Variants in EXOC1 observed in about 807,000 individuals in gnomAD.
EXOC1 encodes the protein SEC3-like 1.
In EXOC1, 67 loss-of-function variants were observed where a neutral mutation model predicts 107.7. The ratio of observed to expected loss-of-function variants is 0.62; its 90% CI spans 0.51 to 0.76. EXOC1 has a LOEUF of 0.76. EXOC1 is among the 30% of genes least tolerant of loss of function. The pLI, the probability that EXOC1 is intolerant of heterozygous loss-of-function variation, is 0.00. For synonymous variants in EXOC1, 348 were observed against 353.5 expected, an observed-to-expected ratio of 0.98 and a Z score of 0.17; for missense variants, 833 against 1,055.7, an observed-to-expected ratio of 0.79 and a Z score of 2.92.
At chr4:55,880,993 G>C (rs1456249130) in intron 9 of EXOC1, among the ~76,000 whole-genome samples, 1 of 152,172 alleles carries the variant, frequency 6.6e-6, no homozygotes, top group Non-Finnish European at 1.5e-5. Context: ...TGTTTCTTTA[G>C]TAAGAAATCA....
chr4:55,875,963 A>G (rs936436118), intron 8 of EXOC1: 17 of 946,952 alleles, frequency 1.8e-5, no homozygotes, highest in Middle Eastern at 5.4e-4. Flanking sequence ...ACCTAAAACT[A>G]TAATATCTAT....
intron 9 of EXOC1, among the ~76,000 whole-genome samples, chr4:55,882,323 A>G (rs1349018923): frequency 6.6e-6 from 1 of 151,978 alleles, no homozygotes; most frequent in African/African-American, 2.4e-5. Context: ...CATTTTCTGT[A>G]GATACAGGGT....
rs1722347936 is a variant in EXOC1, at chr4:55,870,693, A to G, written c.619A>G (p.Ile207Val). ...QVLDGANIQS[I>V]MASEKQVNIL... ...AACTTTGTAGGCTAACATCCAGTCA[A>G]TCATGGCATCTGAAAAACAAGTCAA... Residue 207 changes from isoleucine (I) to valine (V), a missense_variant, in exon 6 of 19, where the codon ATC becomes GTC. Physicochemically the swap from Ile to Val is conservative, Grantham distance 29. Around this residue, in one of 2 missense-constraint regions of EXOC1, gnomAD observed 617 missense variants for 701.3 expected, o/e 0.88. Transcript: ENST00000381295. 6.8e-6 allele frequency: 11 copies of G among 1,613,634 alleles called. No individual in the cohort carries two copies. The South Asian group carries it at 9.9e-5, about 14-fold the overall frequency.
At chr4:55,894,614 C>CTTTTTTTTTTTTTTTTTTTT (rs772700227) in intron 15 of EXOC1, among the ~76,000 whole-genome samples, 2 of 76,116 alleles carry the variant, frequency 2.6e-5, no homozygotes, top group Non-Finnish European at 4.6e-5. Context: ...CTATCTGTTA[C>CTTTTTTTTTTTTTTTTTTTT]TTTTTTTTTT....
At chr4:55,869,392 A>G (rs1317112611) in intron 5 of EXOC1, among the ~76,000 whole-genome samples, 2 of 152,168 alleles carry the variant, frequency 1.3e-5, no homozygotes, top group African/African-American at 4.8e-5. Flanking sequence ...AAACAAAAAA[A>G]TCAAACACAC....
In EXOC1 at chr4:55,871,889, A is replaced by AT; in HGVS notation, c.1007dup (p.Ser337GlnfsTer2). On this transcript the variant is annotated frameshift_variant, in exon 8 of 19. Coordinates refer to ENST00000381295, the MANE Select transcript of EXOC1 (RefSeq NM_001024924.2). LOFTEE classifies it high-confidence loss of function. ...TGGCAGTCAAACAGCAACAGCAGCG[A>AT]TTCAGTGATTTGCGAGAGCTTTTTG... 6.2e-7 allele frequency: 1 copy of AT among 1,613,856 alleles called. No homozygotes were observed.
intron 10 of EXOC1, among the ~76,000 whole-genome samples, chr4:55,887,012 T>C (rs1011392234): frequency 6.6e-6 from 1 of 152,204 alleles, no homozygotes; most frequent in African/African-American, 2.4e-5. Flanking sequence ...TAGATTTATT[T>C]TGATATTTTC....
chr4:55,883,716 T>G (rs1723618596), intron 9 of EXOC1, 107 bp from the exon 10 acceptor site: 2 of 627,000 alleles, frequency 3.2e-6, no homozygotes, highest in Non-Finnish European at 5.2e-6. Flanking sequence ...ACATCAAAGT[T>G]TTGGACTATG....
In EXOC1 at chr4:55,853,691, C is replaced by T. The variant is rs1034997750; in HGVS notation, c.-273C>T. The stretch of plus-strand genomic sequence containing the variant: ...GATATAGGAAGTGTTGGGGGAACGG[C>T]CGCTTCCCGTTCAACGCTTTATTGA... On this transcript the variant is annotated 5_prime_UTR_variant, in exon 1 of 19. Transcript: ENST00000381295. 1 of 152,268 alleles carries T rather than the reference C, an allele frequency of 6.6e-6. No individual in the cohort carries two copies. The highest frequency in any genetic ancestry group is 2.1e-4 in the South Asian group (1 of 4,830). 9.4% of individuals were successfully genotyped at this position (152,268 alleles called of 1,614,324 possible). A position where few individuals can be genotyped will look rare whatever the true frequency, so the allele number is the denominator to read the frequency against.
At chr4:55,868,596 C>T (rs981402444) in intron 5 of EXOC1, 73 bp downstream of exon 5, 4 of 1,374,626 alleles carry the variant, frequency 2.9e-6, no homozygotes, top group Non-Finnish European at 3.0e-6. Context: ...TCATATTATA[C>T]TACCTCAGCA....
intron 3 of EXOC1, among the ~76,000 whole-genome samples, chr4:55,863,059 C>G (rs929452430): frequency 6.6e-6 from 1 of 152,004 alleles, no homozygotes; most frequent in Admixed American, 6.5e-5. Context: ...TGCCACTACA[C>G]CCGGCTAATT....
chr4:55,893,139 G>A (rs1347653755), intron 14 of EXOC1, among the ~76,000 whole-genome samples: 1 of 152,100 alleles, frequency 6.6e-6, no homozygotes, highest in Non-Finnish European at 1.5e-5. Flanking sequence ...TTTCTGAGAT[G>A]GAGTCTCCCT....
chr4:55,889,655 C>T (rs1724289996), intron 11 of EXOC1, among the ~76,000 whole-genome samples: 1 of 152,098 alleles, frequency 6.6e-6, no homozygotes. Flanking sequence ...ACTGGAAAAG[C>T]AGTTTCAGAG....
At chr4:55,865,472 C>T (rs1006491327) in intron 4 of EXOC1, among the ~76,000 whole-genome samples, 4 of 152,178 alleles carry the variant, frequency 2.6e-5, no homozygotes, top group Admixed American at 6.5e-5. Context: ...CAACACTAGT[C>T]CCCAACATCT....
At chr4:55,863,347 A>G (rs1721653822) in intron 3 of EXOC1, among the ~76,000 whole-genome samples, 1 of 152,200 alleles carries the variant, frequency 6.6e-6, no homozygotes, top group African/African-American at 2.4e-5. Context: ...TATCACATGA[A>G]AGAACGTTAG....
Position 55,893,933 on chromosome 4 carries a change from GAGTT to G in EXOC1, c.1953+158_1953+161del, listed in dbSNP as rs376810835. ...GGCATGGCAACAATCTACATGAACAGAGTTAGTTGGGTGGCACTATGCCAGCTAG... is the reference window on the plus strand; with the variant it reads ...GGCATGGCAACAATCTACATGAACAGAGTTGGGTGGCACTATGCCAGCTAG... On this transcript the variant is annotated intron_variant, in intron 15 of 18. Transcript: ENST00000381295. Among the ~76,000 whole-genome samples the G allele has an allele frequency of 6.8e-4, 104 of 152,296 alleles. 1 individual carries two copies. In the Middle Eastern group the frequency reaches 0.01, roughly 15 times the overall value.
intron 9 of EXOC1, chr4:55,882,830 A>C (rs1161154336): frequency 6.6e-6 from 1 of 152,284 alleles, no homozygotes; most frequent in Admixed American, 6.5e-5. Flanking sequence ...AATATAGGAA[A>C]TTGAAGCTTA....
intron 2 of EXOC1, among the ~76,000 whole-genome samples, chr4:55,859,061 G>C (rs1400781796): frequency 3.3e-5 from 5 of 152,110 alleles, no homozygotes; most frequent in African/African-American, 9.7e-5. Flanking sequence ...GTTGACATCT[G>C]TCATGGTGTG....
intron 5 of EXOC1, 175 bp downstream of exon 5, chr4:55,868,698 A>G (rs113739594): frequency 6.1e-6 from 3 of 495,748 alleles, no homozygotes; most frequent in African/African-American, 5.9e-5. Context: ...CAAAAGATGA[A>G]CTATTCCTGT....
Sources: allele counts gnomAD v4.1 joint callset (sites outside exome capture counted in the v4.1 genomes callset), GRCh38; gene constraint gnomAD v4.1.1; regional missense constraint gnomAD v4.1.1; transcripts MANE v1.5; gene names NCBI Gene and HGNC (gene_info 2026-07-23, HGNC 2026-07-21).